The following MAGI1 variants were observed in gnomAD, a reference collection of about 807,000 sequenced individuals.
MAGI1 encodes the protein membrane-associated guanylate kinase, WW and PDZ domain-containing protein 1.
A neutral mutation model predicts 139.9 loss-of-function variants in MAGI1; 58 were observed. That is an observed-to-expected ratio of 0.41 (90% CI 0.34 to 0.52). The LOEUF (loss-of-function observed/expected upper bound fraction) is 0.52, where lower values mean the gene tolerates loss of function less well. Among genes scored for constraint, MAGI1 ranks in the 20% least tolerant of loss-of-function variants. MAGI1 has a pLI of 0.12. For synonymous variants in MAGI1, 812 were observed against 737.9 expected (o/e 1.10, Z -1.63); for missense variants, 1,874 against 1,901.6 (o/e 0.99, Z 0.27).
intron 4 of MAGI1, among the ~76,000 whole-genome samples, chr3:65,478,153 G>A (rs1302435711): frequency 6.6e-6 from 1 of 151,710 alleles, no homozygotes; most frequent in Admixed American, 6.6e-5. Context: ...GATGCTGCTG[G>A]CCTTCTATAC....
At chr3:65,381,162 ACACT>A (rs1943021653) in intron 16 of MAGI1, among the ~76,000 whole-genome samples, 1 of 152,164 alleles carries the variant, frequency 6.6e-6, no homozygotes, top group Non-Finnish European at 1.5e-5. Context: ...GAAAGGACAA[ACACT>A]CACACAATTC....
At chr3:65,930,928 C>G (rs2062778500) in intron 1 of MAGI1, among the ~76,000 whole-genome samples, 1 of 152,172 alleles carries the variant, frequency 6.6e-6, no homozygotes, top group Admixed American at 6.5e-5. Flanking sequence ...CATGAATAAT[C>G]CACCCCTTGT....
At chr3:65,388,706 T>G (rs1162960656) in intron 14 of MAGI1, among the ~76,000 whole-genome samples, 1 of 152,038 alleles carries the variant, frequency 6.6e-6, no homozygotes, top group Non-Finnish European at 1.5e-5. Flanking sequence ...ATCAATTAGG[T>G]TGCTACTATC....
rs1020127169 is a variant in MAGI1, at chr3:65,941,133, G to A, written c.313+96863C>T. On this transcript the variant is annotated intron_variant, in intron 1 of 22. Transcript: ENST00000402939. ...GGCTGAGGTGGGCGGATCACCTGAG[G>A]TCAGGAGTTCGAGACCAGCCTGGCC... Among the ~76,000 whole-genome samples the A allele has an allele frequency of 2.6e-5, 4 of 152,044 alleles. No homozygotes were observed. The East Asian group carries it at 5.8e-4, about 22-fold the overall frequency.
intron 1 of MAGI1, among the ~76,000 whole-genome samples, chr3:65,710,757 A>G (rs548260145): frequency 1.3e-5 from 2 of 152,334 alleles, no homozygotes; most frequent in African/African-American, 4.8e-5. Context: ...AAATCAAGGT[A>G]GAAGCAAAAC....
chr3:65,700,592 A>G (rs2089527399), intron 1 of MAGI1, among the ~76,000 whole-genome samples: 1 of 152,236 alleles, frequency 6.6e-6, no homozygotes, highest in Admixed American at 6.5e-5. Context: ...TTTGTATTCC[A>G]TGGCTGCCCT....
chr3:66,008,108 G>A (rs1313063501), intron 1 of MAGI1, among the ~76,000 whole-genome samples: 4 of 151,946 alleles, frequency 2.6e-5, no homozygotes, highest in Non-Finnish European at 4.4e-5. Context: ...TGTTGGCCAC[G>A]CTAGTCTTGA....
At chr3:65,853,036 C>CAGT (rs2059259858) in intron 1 of MAGI1, among the ~76,000 whole-genome samples, 1 of 150,138 alleles carries the variant, frequency 6.7e-6, no homozygotes. Context: ...GTAGTCCCAA[C>CAGT]TACTCGGGAG....
chr3:65,627,465 G>A (rs933191406), intron 1 of MAGI1, among the ~76,000 whole-genome samples: 8 of 103,090 alleles, frequency 7.8e-5, no homozygotes, highest in Admixed American at 2.9e-4. Flanking sequence ...TTGATTTGCC[G>A]TTATTTTATA....
At position 65,979,092 on chromosome 3, in the gene MAGI1, C is replaced by CA. The variant is rs201965390; in HGVS notation, c.313+58903_313+58904insT. Among the ~76,000 whole-genome samples, 178 of 52,328 alleles carry CA rather than the reference C, an allele frequency of 3.4e-3. 7 individuals carry two copies. The highest frequency in any genetic ancestry group is 6.8e-3 in the Non-Finnish European group (152 of 22,386). The allele number at this position is 52,328 out of a possible 152,430, so 34.3% of individuals were successfully genotyped here. ...GCCAAAGTTTTTTTCTTTTCTTCCCCCCCCCCGCCACCCCCCACAGCTACT... is the reference window on the plus strand; with the variant it reads ...GCCAAAGTTTTTTTCTTTTCTTCCCCACCCCCCGCCACCCCCCACAGCTACT... On this transcript the variant is annotated intron_variant, in intron 1 of 22. Coordinates refer to ENST00000402939, the MANE Select transcript of MAGI1 (RefSeq NM_001033057.2).
At chr3:65,977,288 C>T (rs576538342) in intron 1 of MAGI1, among the ~76,000 whole-genome samples, 5 of 152,194 alleles carry the variant, frequency 3.3e-5, no homozygotes, top group East Asian at 3.9e-4. Flanking sequence ...CCTCAACCTA[C>T]GAGGACTCCA....
At chr3:65,387,832 G>A (rs1575583021) in intron 14 of MAGI1, among the ~76,000 whole-genome samples, 2 of 152,204 alleles carry the variant, frequency 1.3e-5, no homozygotes. Flanking sequence ...AAGCTCAATC[G>A]CCACTTCCAA....
chr3:65,574,250 T>C (rs942485526), intron 2 of MAGI1, among the ~76,000 whole-genome samples: 2 of 151,144 alleles, frequency 1.3e-5, no homozygotes, highest in African/African-American at 4.8e-5. Context: ...TGTATATATA[T>C]ATACATACAT....
At chr3:65,561,183 C>G (rs1463445236) in intron 2 of MAGI1, among the ~76,000 whole-genome samples, 1 of 152,160 alleles carries the variant, frequency 6.6e-6, no homozygotes, top group African/African-American at 2.4e-5. Flanking sequence ...GGAAATGTGA[C>G]AGCTATCTTC....
At chr3:65,951,558 C>T (rs542189695) in intron 1 of MAGI1, among the ~76,000 whole-genome samples, 8 of 152,254 alleles carry the variant, frequency 5.3e-5, no homozygotes, top group African/African-American at 1.9e-4. Context: ...TATTGACTAC[C>T]TGTTGAAATA....
At chr3:65,631,422 G>T (rs567712181) in intron 1 of MAGI1, among the ~76,000 whole-genome samples, 1 of 152,030 alleles carries the variant, frequency 6.6e-6, no homozygotes, top group Admixed American at 6.6e-5. Flanking sequence ...TAGTTTTAAG[G>T]GCTACGTAGT....
At chr3:65,764,128 G>A (rs1398962887) in intron 1 of MAGI1, among the ~76,000 whole-genome samples, 1 of 150,274 alleles carries the variant, frequency 6.7e-6, no homozygotes, top group Admixed American at 6.6e-5. Context: ...ATTATAGTTT[G>A]GGTATTAACA....
chr3:65,906,219 G>T (rs999354533), intron 1 of MAGI1, among the ~76,000 whole-genome samples: 1 of 152,192 alleles, frequency 6.6e-6, no homozygotes, highest in African/African-American at 2.4e-5. Flanking sequence ...GAGACTGATG[G>T]TCTGAAGTGA....
intron 5 of MAGI1, among the ~76,000 whole-genome samples, chr3:65,460,149 A>G (rs897850249): frequency 2.6e-5 from 4 of 152,182 alleles, no homozygotes; most frequent in South Asian, 2.1e-4. Flanking sequence ...ATCGATTCAT[A>G]TGAGCATTGA....
Sources: gnomAD v4.1 joint callset for allele counts (sites outside exome capture counted in the v4.1 genomes callset) on GRCh38, gnomAD v4.1.1 for gene constraint, MANE v1.5 for transcripts, NCBI Gene and HGNC (gene_info 2026-07-23, HGNC 2026-07-21) for gene names.